Variants in CRISP1 observed in about 807,000 individuals in gnomAD.
The protein encoded by CRISP1 is cysteine rich secretory protein 1, also known as cysteine-rich secretory protein 1.
CRISP1 carries 44 observed loss-of-function variants against 33.1 expected under a neutral mutation model. The observed-to-expected ratio is 1.33, with a 90% CI of 1.05 to 1.71. The LOEUF (loss-of-function observed/expected upper bound fraction) is 1.71. Ranked by LOEUF, CRISP1 falls within the 40% of genes most tolerant of loss-of-function variation. CRISP1 has a pLI of 0.00. For missense variants in CRISP1, 390 were observed against 301.2 expected (o/e 1.29, Z -2.18); for synonymous variants, 103 against 98.7 (o/e 1.04, Z -0.26).
intron 1 of CRISP1, among the ~76,000 whole-genome samples, chr6:49,860,688 T>C (rs1771623302): frequency 1.3e-5 from 2 of 151,906 alleles, no homozygotes; most frequent in African/African-American, 4.8e-5. Flanking sequence ...AAATAAACAA[T>C]CTAATAATGC....
intron 5 of CRISP1, among the ~76,000 whole-genome samples, chr6:49,844,923 T>C (rs1231864062): frequency 6.6e-6 from 1 of 152,062 alleles, no homozygotes; most frequent in Non-Finnish European, 1.5e-5. Context: ...TGCATTTAGA[T>C]AATATTTAGG....
At chr6:49,858,098 C>G (rs1279232174) in intron 1 of CRISP1, among the ~76,000 whole-genome samples, 12 of 152,152 alleles carry the variant, frequency 7.9e-5, no homozygotes, top group Non-Finnish European at 1.8e-4. Flanking sequence ...TCTATTTAAA[C>G]TCTCCGTCAG....
chr6:49,859,125 G>A (rs777377155), intron 1 of CRISP1, among the ~76,000 whole-genome samples: 7 of 151,856 alleles, frequency 4.6e-5, no homozygotes, highest in East Asian at 3.9e-4. Context: ...CAGACCCCTC[G>A]AGGCTACCAA....
intron 1 of CRISP1, among the ~76,000 whole-genome samples, chr6:49,864,560 A>G (rs950638606): frequency 1.3e-5 from 2 of 151,924 alleles, no homozygotes; most frequent in Admixed American, 6.6e-5. Context: ...TCATACCCTC[A>G]CCTATTATTT....
At chr6:49,875,235 T>C (rs1341457298) in intron 1 of CRISP1, among the ~76,000 whole-genome samples, 1 of 151,922 alleles carries the variant, frequency 6.6e-6, no homozygotes, top group Non-Finnish European at 1.5e-5. Context: ...ACAAAGTCAA[T>C]GTGCAAAAGT....
At position 49,871,879 on chromosome 6, in the gene CRISP1, T is replaced by A. The variant is rs1438458186; in HGVS notation, c.-3+5130A>T. Among the ~76,000 whole-genome samples, 3 of 152,126 alleles carry A rather than the reference T, an allele frequency of 2.0e-5. No homozygotes were observed. The East Asian group carries it at 5.8e-4, about 29-fold the overall frequency. On this transcript the variant is annotated intron_variant, in intron 1 of 7. Coordinates refer to the CRISP1 transcript ENST00000505118. Reference sequence around the variant, plus strand: ...AAACATATGTGTGCACGTGTCTTTATAGCAGCATGATTTATAATCCTTTGG... The same window carrying A: ...AAACATATGTGTGCACGTGTCTTTAAAGCAGCATGATTTATAATCCTTTGG...
At chr6:49,865,688 A>G (rs983576327) in intron 1 of CRISP1, among the ~76,000 whole-genome samples, 1 of 152,114 alleles carries the variant, frequency 6.6e-6, no homozygotes, top group African/African-American at 2.4e-5. Flanking sequence ...TAGAAACTGG[A>G]AAGGGAGTGA....
upstream of CRISP1, among the ~76,000 whole-genome samples, chr6:49,871,328 G>A (rs1771918235): frequency 6.6e-6 from 1 of 152,018 alleles, no homozygotes; most frequent in African/African-American, 2.4e-5. Flanking sequence ...ATGGCTTCAG[G>A]AAATAGACAT....
At chr6:49,841,092 CT>C in intron 5 of CRISP1, 97 bp from the exon 6 acceptor site, 1 of 1,128,522 alleles carries the variant, frequency 8.9e-7, no homozygotes, top group Non-Finnish European at 1.3e-6. Flanking sequence ...AAACATGTTG[CT>C]TTTAGGTTTA....
chr6:49,845,676 C>A (rs1771139586), intron 5 of CRISP1, among the ~76,000 whole-genome samples: 2 of 143,262 alleles, frequency 1.4e-5, no homozygotes, highest in South Asian at 2.2e-4. Flanking sequence ...ATTTTCACAC[C>A]AATATTTAAA....
chr6:49,841,061 T>G, intron 5 of CRISP1, 66 bp from the exon 6 acceptor site: 2 of 1,325,166 alleles, frequency 1.5e-6, no homozygotes, highest in Non-Finnish European at 2.1e-6. Context: ...AATATCCATA[T>G]TGTCATCCAT....
chr6:49,840,205 G>A (rs1770938233), intron 6 of CRISP1, among the ~76,000 whole-genome samples: 1 of 152,114 alleles, frequency 6.6e-6, no homozygotes, highest in Non-Finnish European at 1.5e-5. Flanking sequence ...AACCGTCACT[G>A]GAGCCACACA....
chr6:49,873,442 T>C (rs778726061), intron 1 of CRISP1, among the ~76,000 whole-genome samples: 1 of 152,104 alleles, frequency 6.6e-6, no homozygotes. Context: ...TAGTTTACAC[T>C]TTGGCAGCCA....
chr6:49,864,745 A>G (rs1307575534), intron 1 of CRISP1, among the ~76,000 whole-genome samples: 1 of 151,982 alleles, frequency 6.6e-6, no homozygotes, highest in Non-Finnish European at 1.5e-5. Context: ...CCATGGTTGT[A>G]ATTAGGTTGG....
chr6:49,868,624 C>T (rs1771854527), upstream of CRISP1, among the ~76,000 whole-genome samples: 2 of 152,130 alleles, frequency 1.3e-5, no homozygotes, highest in South Asian at 2.1e-4. Flanking sequence ...AATAATTTTG[C>T]ATATATTCTG....
intron 1 of CRISP1, among the ~76,000 whole-genome samples, chr6:49,872,927 A>G (rs888175930): frequency 1.3e-5 from 2 of 152,040 alleles, no homozygotes; most frequent in African/African-American, 4.8e-5. Flanking sequence ...GTTTTTTCCA[A>G]TTCTGTGAAG....
intron 5 of CRISP1, among the ~76,000 whole-genome samples, chr6:49,842,166 T>C (rs1388222415): frequency 6.6e-6 from 1 of 152,200 alleles, no homozygotes; most frequent in Non-Finnish European, 1.5e-5. Context: ...AACCTAGGCT[T>C]TTACTAAAAC....
upstream of CRISP1, among the ~76,000 whole-genome samples, chr6:49,867,900 A>C (rs1193104084): frequency 6.6e-6 from 1 of 152,188 alleles, no homozygotes; most frequent in African/African-American, 2.4e-5. Flanking sequence ...TGTAAAAAGA[A>C]AGCTGCAAAA....
At position 49,857,457 on chromosome 6, in the gene CRISP1, G is replaced by T. The variant is rs1771528588; in HGVS notation, c.-2-55C>A. 8 of 1,503,026 alleles carry T rather than the reference G, an allele frequency of 5.3e-6. No homozygotes were observed. In the East Asian group the frequency reaches 9.3e-5, roughly 17 times the overall value. 93.1% of individuals were successfully genotyped at this position (1,503,026 alleles called of 1,614,324 possible). On this transcript the variant is annotated intron_variant, in intron 1 of 7. Coordinates refer to ENST00000335847, the MANE Select transcript of CRISP1 (RefSeq NM_001131.3). Reference sequence around the variant, plus strand: ...ATTCTCAATTCATGGGATAACATCTGGTAATAAACTATTTAAACCACTTTT... The same window carrying T: ...ATTCTCAATTCATGGGATAACATCTTGTAATAAACTATTTAAACCACTTTT...
Sources: allele counts gnomAD v4.1 joint callset (sites outside exome capture counted in the v4.1 genomes callset), GRCh38; gene constraint gnomAD v4.1.1; transcripts MANE v1.5; gene names NCBI Gene and HGNC (gene_info 2026-07-23, HGNC 2026-07-21).